INPP4A: variants seen among roughly 807,000 people sequenced by gnomAD.
INPP4A encodes inositol polyphosphate-4-phosphatase, type I, 107kD.
In INPP4A, 33 loss-of-function variants were observed where a neutral mutation model predicts 119.8. The observed-to-expected ratio is 0.28, with a 90% CI of 0.21 to 0.37. INPP4A has a LOEUF of 0.37. Ranked by LOEUF, INPP4A falls within the 10% of genes least tolerant of loss-of-function variation. The pLI, the probability that INPP4A is intolerant of heterozygous loss-of-function variation, is 1.00. For synonymous variants in INPP4A, 496 were observed against 500.7 expected (o/e 0.99, Z 0.12); for missense variants, 956 against 1,289.9 (o/e 0.74, Z 3.97).
At chr2:98,583,362 C>T (rs983032902) in intron 24 of INPP4A, among the ~76,000 whole-genome samples, 8 of 152,012 alleles carry the variant, frequency 5.3e-5, no homozygotes, top group South Asian at 2.1e-4. Flanking sequence ...TGGGCAGTTG[C>T]GGTGGATGGA....
chr2:98,519,319 G>C (rs1298523394), intron 2 of INPP4A: 1 of 152,260 alleles, frequency 6.6e-6, no homozygotes, highest in African/African-American at 2.4e-5. Context: ...CATGTGAAGC[G>C]TGTGACTCAG....
intron 1 of INPP4A, among the ~76,000 whole-genome samples, chr2:98,474,143 A>T (rs1271505011): frequency 6.6e-6 from 1 of 152,144 alleles, no homozygotes; most frequent in Non-Finnish European, 1.5e-5. Flanking sequence ...CAGGTTGTGA[A>T]GTCACTTTTG....
intron 1 of INPP4A, among the ~76,000 whole-genome samples, chr2:98,508,790 G>C (rs1469476903): frequency 6.6e-6 from 1 of 152,160 alleles, no homozygotes; most frequent in Non-Finnish European, 1.5e-5. Flanking sequence ...CCTGGTGCAC[G>C]CTGACTGCAG....
intron 1 of INPP4A, among the ~76,000 whole-genome samples, chr2:98,451,171 G>T (rs1433686183): frequency 6.6e-6 from 1 of 152,168 alleles, no homozygotes; most frequent in Non-Finnish European, 1.5e-5. Flanking sequence ...CCTTTGTCAT[G>T]CCCTATCAGG....
At chr2:98,461,988 T>G (rs1019967646) in intron 1 of INPP4A, among the ~76,000 whole-genome samples, 1 of 152,250 alleles carries the variant, frequency 6.6e-6, no homozygotes, top group Non-Finnish European at 1.5e-5. Flanking sequence ...GGGCCTAGGC[T>G]CTGGCTGGAT....
intron 1 of INPP4A, among the ~76,000 whole-genome samples, chr2:98,493,646 C>A (rs1681319013): frequency 6.6e-6 from 1 of 152,038 alleles, no homozygotes. Context: ...GTCTGCCTGC[C>A]TTGGCTTCCC....
chr2:98,499,011 A>G (rs545650177), intron 1 of INPP4A, among the ~76,000 whole-genome samples: 3 of 152,244 alleles, frequency 2.0e-5, no homozygotes, highest in Non-Finnish European at 4.4e-5. Context: ...ACTAATCCAC[A>G]TGTCTAATGT....
intron 24 of INPP4A, among the ~76,000 whole-genome samples, chr2:98,577,571 T>A (rs1698639840): frequency 6.6e-6 from 1 of 152,218 alleles, no homozygotes; most frequent in African/African-American, 2.4e-5. Context: ...CAAACTTGAG[T>A]GAAGCAACGC....
intron 1 of INPP4A, among the ~76,000 whole-genome samples, chr2:98,499,054 C>G (rs556007978): frequency 6.6e-6 from 1 of 152,182 alleles, no homozygotes; most frequent in Non-Finnish European, 1.5e-5. Flanking sequence ...CAATTCTGCC[C>G]CACTGAGGAA....
Position 98,546,937 on chromosome 2 carries a change from C to G in INPP4A, c.1163+243C>G, listed in dbSNP as rs1298825032. ...AAATGAGGAGCAGATTGTGATCCAC[C>G]TCAGAAGTGGTGCTCCAGGCAACCG... On this transcript the variant is annotated intron_variant, in intron 13 of 24. Transcript: ENST00000409851. The surrounding 1 kb of genome is among the most constrained non-coding windows in gnomAD (Gnocchi z 4.2). 6.6e-6 allele frequency among the ~76,000 whole-genome samples: 1 copy of G among 152,146 alleles called. No individual in the cohort carries two copies. Among genetic ancestry groups the G allele is most frequent in the African/African-American group, 2.4e-5 (1 of 41,420 alleles).
chr2:98,461,951 A>G (rs951604626), intron 1 of INPP4A, among the ~76,000 whole-genome samples: 1 of 152,236 alleles, frequency 6.6e-6, no homozygotes, highest in Admixed American at 6.5e-5. Flanking sequence ...TTGTGAAGGA[A>G]GCTGCACCCC....
chr2:98,485,546 G>A (rs1048237307), intron 1 of INPP4A, among the ~76,000 whole-genome samples: 1 of 152,146 alleles, frequency 6.6e-6, no homozygotes, highest in Admixed American at 6.5e-5. Flanking sequence ...AGGGCTGGGC[G>A]CAGGTGTCTG....
rs1697059522 is a variant in INPP4A at position 98,569,423 on chromosome 2, C to T, written c.2518+755C>T. 1 of 152,316 alleles carries T rather than the reference C, an allele frequency of 6.6e-6. No individual in the cohort carries two copies. The highest frequency in any genetic ancestry group is 1.5e-5 in the Non-Finnish European group (1 of 68,110). The allele number at this position is 152,316 out of a possible 1,614,324, so 9.4% of individuals were successfully genotyped here. ...GCCACGCGTCAGAAGGTATCATCCC[C>T]TCTGTGTTACACTAGTGTCCTCTGA... On this transcript the variant is annotated intron_variant, in intron 22 of 24. Transcript: ENST00000409851. The surrounding 1 kb of genome is among the most constrained non-coding windows in gnomAD (Gnocchi z 5.1).
chr2:98,564,014 G>A (rs115354701), intron 18 of INPP4A, among the ~76,000 whole-genome samples: 3,332 of 150,324 alleles, frequency 0.022, 63 homozygotes, highest in Non-Finnish European at 0.032. Flanking sequence ...AACATTGCTC[G>A]TATAACAGTA....
intron 4 of INPP4A, among the ~76,000 whole-genome samples, chr2:98,526,533 T>A (rs552970001): frequency 1.1e-4 from 17 of 152,342 alleles, no homozygotes; most frequent in African/African-American, 3.4e-4. Flanking sequence ...TCCAAAAATC[T>A]TCTTTTCTAT....
intron 4 of INPP4A, among the ~76,000 whole-genome samples, chr2:98,532,018 AGT>A (rs1370983797): frequency 1.3e-5 from 2 of 152,240 alleles, no homozygotes; most frequent in African/African-American, 4.8e-5. Context: ...TGTCAGAAAA[AGT>A]GTAATTAGAA....
At chr2:98,548,910 G>T (rs754568916) in intron 13 of INPP4A, 2 of 1,576,698 alleles carry the variant, frequency 1.3e-6, no homozygotes, top group Non-Finnish European at 1.7e-6. Flanking sequence ...TTTGGTATTT[G>T]CTAACAAACT....
At chr2:98,559,541 A>C in intron 17 of INPP4A, 46 bp downstream of exon 17, 1 of 1,584,264 alleles carries the variant, frequency 6.3e-7, no homozygotes, top group African/African-American at 1.3e-5. Context: ...CTTTTAATTG[A>C]TACTCAGGTA....
intron 1 of INPP4A, among the ~76,000 whole-genome samples, chr2:98,491,146 A>C (rs1680662504): frequency 6.6e-6 from 1 of 152,228 alleles, no homozygotes; most frequent in South Asian, 2.1e-4. Context: ...TATTTCCAAA[A>C]AGGGGGCGGA....
Sources: gnomAD v4.1 joint callset for allele counts (sites outside exome capture counted in the v4.1 genomes callset) on GRCh38, gnomAD v4.1.1 for gene constraint, Gnocchi (gnomAD v3.1) non-coding constraint, MANE v1.5 for transcripts, NCBI Gene and HGNC (gene_info 2026-07-23, HGNC 2026-07-21) for gene names.